The following SLC12A5 variants were observed in gnomAD, a reference collection of about 807,000 sequenced individuals.
SLC12A5 encodes K-Cl cotransporter 2.
A neutral mutation model predicts 124.0 loss-of-function variants in SLC12A5; 18 were observed. The observed-to-expected ratio is 0.15, with a 90% CI of 0.10 to 0.22. SLC12A5 has a LOEUF of 0.22. Ranked by LOEUF, SLC12A5 falls within the 10% of genes least tolerant of loss-of-function variation. SLC12A5 has a pLI of 1.00. For synonymous variants in SLC12A5, 589 were observed against 568.0 expected, an observed-to-expected ratio of 1.04 and a Z score of -0.53; for missense variants, 867 against 1,478.7, an observed-to-expected ratio of 0.59 and a Z score of 6.78.
chr20:46,034,473 G>A (rs11905317), intron 1 of SLC12A5, among the ~76,000 whole-genome samples: 145 of 152,256 alleles, frequency 9.5e-4, no homozygotes, highest in Admixed American at 2.7e-3. Flanking sequence ...ATTGGCACAC[G>A]GTAGACACTT....
In SLC12A5 at chr20:46,045,508, G is replaced by T. The variant is rs1210503715; in HGVS notation, c.1569+368G>T. On this transcript the variant is annotated intron_variant, in intron 12 of 25. Coordinates refer to ENST00000243964, the MANE Select transcript of SLC12A5 (RefSeq NM_020708.5). This position sits in a 1 kb window ranked among gnomAD's most constrained non-coding sequence, Gnocchi z 4.9. ...CACTGTGGTTGGTCGGAGACCTGGG[G>T]AGGCAGTCAAAGGGCAAGAAAAGGG... Among the ~76,000 whole-genome samples the T allele has an allele frequency of 6.6e-6, 1 of 152,068 alleles. No homozygotes were observed. Among genetic ancestry groups the T allele is most frequent in the Non-Finnish European group, 1.5e-5 (1 of 68,002 alleles).
chr20:46,033,257 A>G (rs570246996), intron 1 of SLC12A5, among the ~76,000 whole-genome samples: 5 of 152,174 alleles, frequency 3.3e-5, no homozygotes, highest in Non-Finnish European at 7.4e-5. Flanking sequence ...GATGTCAGCC[A>G]TCGAGGGGAC....
intron 1 of SLC12A5, among the ~76,000 whole-genome samples, chr20:46,029,991 C>A (rs1438907409): frequency 1.3e-5 from 2 of 151,440 alleles, no homozygotes; most frequent in African/African-American, 4.9e-5. Flanking sequence ...GTGGTGTCTC[C>A]TTAAGACACC....
chr20:46,027,761 G>C (rs968407701), upstream of SLC12A5: 2 of 152,216 alleles, frequency 1.3e-5, no homozygotes, highest in East Asian at 3.8e-4. Flanking sequence ...TCAATGAAGA[G>C]AGTCCTAAAC....
chr20:46,029,514 G>C (rs2084426682), intron 1 of SLC12A5, 118 bp downstream of exon 1: 1 of 1,147,028 alleles, frequency 8.7e-7, no homozygotes, highest in Non-Finnish European at 1.2e-6. Context: ...TGACCCGGGC[G>C]GTGGGCGCCA....
intron 6 of SLC12A5, among the ~76,000 whole-genome samples, chr20:46,039,529 C>A (rs868237383): frequency 1.3e-5 from 2 of 152,158 alleles, no homozygotes; most frequent in Non-Finnish European, 1.5e-5. Context: ...AATCCCAGAA[C>A]TTTGGGAGGC....
rs1326066260 is a variant in SLC12A5, at chr20:46,059,324, GT to G, written c.*1720del. 2 of 368,200 alleles carry G rather than the reference GT, an allele frequency of 5.4e-6. No homozygotes were observed. The highest frequency in any genetic ancestry group is 7.9e-5 in the East Asian group (2 of 25,440). 22.8% of individuals were successfully genotyped at this position (368,200 alleles called of 1,614,324 possible). A position where few individuals can be genotyped will look rare whatever the true frequency, so the allele number is the denominator to read the frequency against. On this transcript the variant is annotated 3_prime_UTR_variant, in exon 26 of 26. Transcript: ENST00000243964. ...GCTGGCGCCACCCAGACAGCGTCAG[GT>G]GTGGCTGGGGTAGGTTTGGAGGTCT...
intron 2 of SLC12A5, chr20:46,023,168 TG>T: frequency 2.5e-6 from 1 of 397,854 alleles, no homozygotes; most frequent in Non-Finnish European, 4.4e-6. Context: ...ATGACCAAAT[TG>T]AGGCCTGGAA....
chr20:46,043,349 ACT>A, intron 9 of SLC12A5, 26 bp downstream of exon 9: 6 of 1,607,358 alleles, frequency 3.7e-6, no homozygotes, highest in East Asian at 2.2e-5. Context: ...GAGAGGGAAG[ACT>A]CTGCCTGTGA....
chr20:46,035,768 C>T lies in SLC12A5; in HGVS notation c.280-9C>T. ...GGACTGCAGAGACTGATGCTGGCCT[C>T]CCTGGCAGGCCCCACGCATGGGCAC... On this transcript the variant is annotated splice_polypyrimidine_tract_variant and intron_variant, in intron 3 of 25. Coordinates refer to ENST00000243964, the MANE Select transcript of SLC12A5 (RefSeq NM_020708.5). 6.2e-7 allele frequency: 1 copy of T among 1,607,882 alleles called. No homozygotes were observed. The highest frequency in any genetic ancestry group is 8.5e-7 in the Non-Finnish European group (1 of 1,176,218).
intron 4 of SLC12A5, chr20:46,036,297 C>T (rs370551470): frequency 1.2e-4 from 30 of 245,676 alleles, no homozygotes; most frequent in East Asian, 1.1e-3. Context: ...CAAATTCTTC[C>T]CATTCTCTCT....
At position 46,057,629 on chromosome 20, in the gene SLC12A5, C is replaced by G; in HGVS notation, c.*24C>G. The G allele has an allele frequency of 6.3e-7, 1 of 1,588,032 alleles. No homozygotes were observed. The highest frequency in any genetic ancestry group is 8.6e-7 in the Non-Finnish European group (1 of 1,162,644). On this transcript the variant is annotated 3_prime_UTR_variant, in exon 26 of 26. Transcript: ENST00000243964. This position sits in a 1 kb window ranked among gnomAD's most constrained non-coding sequence, Gnocchi z 7.1. ...GAGAACCAGGACCTGCCACCCGGGC[C>G]CGAGCGCGCCCGGCCCGCGGCTCCG...
intron 1 of SLC12A5, chr20:46,022,837 GCA>G (rs764772077): frequency 4.3e-5 from 17 of 399,232 alleles, no homozygotes; most frequent in Admixed American, 2.2e-4. Context: ...CTGGGCGCGT[GCA>G]CAGTCTCCCC....
upstream of SLC12A5, among the ~76,000 whole-genome samples, chr20:46,026,669 A>G (rs570133816): frequency 2.6e-5 from 4 of 152,368 alleles, no homozygotes; most frequent in Admixed American, 6.5e-5. Flanking sequence ...AAGAAGTGCC[A>G]TGGATTATAC....
At chr20:46,038,305 C>G (rs1305259984) in intron 6 of SLC12A5, 2 of 152,116 alleles carry the variant, frequency 1.3e-5, no homozygotes, top group Non-Finnish European at 1.5e-5. Flanking sequence ...TGATCCCCCC[C>G]ACCAGTTCAG....
rs2084507228 is a variant in SLC12A5, at chr20:46,037,327, A to G, written c.554A>G (p.Tyr185Cys). 6.2e-7 allele frequency: 1 copy of G among 1,613,184 alleles called. No homozygotes were observed. Among genetic ancestry groups the G allele is most frequent in the Admixed American group, 1.7e-5 (1 of 59,936 alleles). Residue 185 changes from tyrosine (Y) to cysteine (C), a missense_variant, in exon 6 of 26, where the codon TAC becomes TGC. By Grantham distance (194) the Tyr-to-Cys change is radical. Around this residue, in one of 9 missense-constraint regions of SLC12A5, gnomAD observed 126 missense variants for 291.6 expected, o/e 0.43. Transcript: ENST00000243964. ...EFGGAVGLCF[Y>C]LGTTFAGAMY... is the part of the protein sequence containing the mutation. Reference sequence around the variant, plus strand: ...GGGGGTGCCGTGGGCCTCTGCTTCTACCTGGGCACTACCTTTGCAGGAGCC... The same window carrying G: ...GGGGGTGCCGTGGGCCTCTGCTTCTGCCTGGGCACTACCTTTGCAGGAGCC...
rs2084665730 is a variant in SLC12A5 at position 46,053,723 on chromosome 20, A to G, written c.2679+14A>G. 6.4e-7 allele frequency: 1 copy of G among 1,564,122 alleles called. No individual in the cohort carries two copies. On this transcript the variant is annotated intron_variant, in intron 20 of 25. Coordinates refer to ENST00000243964, the MANE Select transcript of SLC12A5 (RefSeq NM_020708.5). This position sits in a 1 kb window ranked among gnomAD's most constrained non-coding sequence, Gnocchi z 4.7. The stretch of plus-strand genomic sequence containing the variant: ...GTGGTGGAGATGGTGAGTCCCCAGG[A>G]GACACCGCTGGGGTTCCACCTGGCC...
At position 46,035,903 on chromosome 20, in the gene SLC12A5, G is replaced by C; in HGVS notation, c.406G>C (p.Val136Leu). Residue 136 changes from valine (V) to leucine (L), a missense_variant, in exon 4 of 26, where the codon GTG becomes CTG. Physicochemically the swap from Val to Leu is conservative, Grantham distance 32. Around this residue, in one of 9 missense-constraint regions of SLC12A5, gnomAD observed 126 missense variants for 291.6 expected, o/e 0.43. Coordinates refer to ENST00000243964, the MANE Select transcript of SLC12A5 (RefSeq NM_020708.5). ...AGGCATCATGGAGTCCTTCTGCATG[G>C]TGTTCATCTGCTGCTCCTGTGTGAG... ...IAGIMESFCM[V>L]FICCSCTMLT... The C allele has an allele frequency of 6.2e-7, 1 of 1,612,948 alleles. No homozygotes were observed. Among genetic ancestry groups the C allele is most frequent in the Non-Finnish European group, 8.5e-7 (1 of 1,179,158 alleles).
rs746245950 is a variant in SLC12A5, at chr20:46,035,442, C to T, written c.186C>T (p.Leu62=). The change falls in exon 3 of 26, where the codon CTC becomes CTT. Residue 62 remains leucine (L), a synonymous_variant. Transcript: ENST00000243964. ...MDTSPMVSSL[L]SGLANYTNLP... Reference sequence around the variant, plus strand: ...CCAGCCCTATGGTGTCCTCCTTGCTCAGTGGCCTGGCCAACTACACCAACC... The same window carrying T: ...CCAGCCCTATGGTGTCCTCCTTGCTTAGTGGCCTGGCCAACTACACCAACC... 33 of 1,613,978 alleles carry T rather than the reference C, an allele frequency of 2.0e-5. No individual in the cohort carries two copies. Among genetic ancestry groups the T allele is most frequent in the Non-Finnish European group, 2.8e-5 (33 of 1,179,978 alleles).
Sources: gnomAD v4.1 joint callset for allele counts (sites outside exome capture counted in the v4.1 genomes callset) on GRCh38, gnomAD v4.1.1 for gene constraint, gnomAD v4.1.1 regional missense constraint, Gnocchi (gnomAD v3.1) non-coding constraint, MANE v1.5 for transcripts, NCBI Gene and HGNC (gene_info 2026-07-23, HGNC 2026-07-21) for gene names.